FNDC3B: variants seen among roughly 807,000 people sequenced by gnomAD.
The protein encoded by FNDC3B is fibronectin type III domain-containing protein 3B.
FNDC3B carries 12 observed loss-of-function variants against 151.5 expected under a neutral mutation model. The observed-to-expected ratio is 0.08, with a 90% confidence interval of 0.05 to 0.13. FNDC3B has a LOEUF of 0.13. Among genes scored for constraint, FNDC3B ranks in the 10% least tolerant of loss-of-function variants. FNDC3B has a pLI of 1.00. For synonymous variants in FNDC3B, 528 were observed against 549.0 expected, an observed-to-expected ratio of 0.96 and a Z score of 0.54; for missense variants, 1,214 against 1,505.3, an observed-to-expected ratio of 0.81 and a Z score of 3.20.
chr3:172,108,837 C>A (rs1438915863), intron 1 of FNDC3B, among the ~76,000 whole-genome samples: 1 of 152,174 alleles, frequency 6.6e-6, no homozygotes, highest in Non-Finnish European at 1.5e-5. Context: ...TTCCTCCTTG[C>A]CTTTTCTCTA....
intron 1 of FNDC3B, among the ~76,000 whole-genome samples, chr3:172,107,192 G>A (rs1719697814): frequency 6.6e-6 from 1 of 152,184 alleles, no homozygotes; most frequent in African/African-American, 2.4e-5. Flanking sequence ...TGCGGTTTTA[G>A]TGTTATGTGT....
intron 5 of FNDC3B, among the ~76,000 whole-genome samples, chr3:172,249,810 A>G (rs569675556): frequency 2.8e-4 from 42 of 152,058 alleles, no homozygotes; most frequent in Admixed American, 6.5e-4. Context: ...TAACAAAACA[A>G]CTCTTGTTTA....
intron 16 of FNDC3B, among the ~76,000 whole-genome samples, chr3:172,339,032 C>T (rs369177162): frequency 2.6e-5 from 4 of 152,106 alleles, no homozygotes; most frequent in East Asian, 1.9e-4. Context: ...CCACCGCGCC[C>T]GGCCCACCAT....
chr3:172,221,109 A>G (rs1431135166), intron 3 of FNDC3B, among the ~76,000 whole-genome samples: 1 of 152,174 alleles, frequency 6.6e-6, no homozygotes, highest in Non-Finnish European at 1.5e-5. Context: ...GTGTAGAAAC[A>G]CAATTGGCTT....
At chr3:172,351,987 T>C (rs1027027324) in intron 21 of FNDC3B, among the ~76,000 whole-genome samples, 6 of 152,136 alleles carry the variant, frequency 3.9e-5, no homozygotes, top group Non-Finnish European at 7.4e-5. Flanking sequence ...CCCATCCAAA[T>C]TGGGGAGTAG....
intron 6 of FNDC3B, among the ~76,000 whole-genome samples, chr3:172,282,839 G>A (rs1173009030): frequency 6.6e-6 from 1 of 152,124 alleles, no homozygotes; most frequent in African/African-American, 2.4e-5. Flanking sequence ...TTAGACTTGT[G>A]GCCCTGGAGA....
chr3:172,323,566 C>G (rs1448406592), intron 11 of FNDC3B, among the ~76,000 whole-genome samples: 1 of 152,178 alleles, frequency 6.6e-6, no homozygotes, highest in Admixed American at 6.5e-5. Context: ...GTATTTCTCC[C>G]TTGTGGGGGG....
intron 1 of FNDC3B, among the ~76,000 whole-genome samples, chr3:172,062,311 CCTT>C (rs1416956263): frequency 3.3e-5 from 5 of 151,800 alleles, no homozygotes; most frequent in Admixed American, 6.6e-5. Context: ...CTTTTCTCCT[CCTT>C]CTTTTTTTTT....
chr3:172,127,207 G>C (rs1282636277), intron 2 of FNDC3B: 1 of 398,644 alleles, frequency 2.5e-6, no homozygotes, highest in Non-Finnish European at 5.0e-6. Flanking sequence ...AGAAGGCTCT[G>C]CTTCAGGGAG....
At chr3:172,131,446 A>C (rs1425632702) in intron 2 of FNDC3B, among the ~76,000 whole-genome samples, 1 of 152,118 alleles carries the variant, frequency 6.6e-6, no homozygotes, top group Non-Finnish European at 1.5e-5. Flanking sequence ...ATCTTGAAGG[A>C]ATTTCCTTTT....
chr3:172,358,568 A>G (rs1451393441), intron 22 of FNDC3B, among the ~76,000 whole-genome samples: 1 of 152,162 alleles, frequency 6.6e-6, no homozygotes, highest in Non-Finnish European at 1.5e-5. Context: ...TTGTAAAGTG[A>G]GGTGGTGTAA....
chr3:172,180,772 A>G (rs893019141), intron 3 of FNDC3B, among the ~76,000 whole-genome samples: 1 of 152,234 alleles, frequency 6.6e-6, no homozygotes, highest in African/African-American at 2.4e-5. Flanking sequence ...AAGAGCCCAT[A>G]GAATGGTTAT....
intron 22 of FNDC3B, among the ~76,000 whole-genome samples, chr3:172,358,421 G>A (rs1160002024): frequency 6.6e-6 from 1 of 152,250 alleles, no homozygotes; most frequent in East Asian, 1.9e-4. Context: ...GGTTGCCATT[G>A]TTGTTTTCTT....
At chr3:172,305,779 G>A (rs1359189212) in intron 9 of FNDC3B, among the ~76,000 whole-genome samples, 1 of 152,164 alleles carries the variant, frequency 6.6e-6, no homozygotes, top group African/African-American at 2.4e-5. Flanking sequence ...TCAGGCTTGA[G>A]CCCTGCCCAT....
At chr3:172,286,851 A>G (rs1576874629) in intron 7 of FNDC3B, among the ~76,000 whole-genome samples, 1 of 152,156 alleles carries the variant, frequency 6.6e-6, no homozygotes, top group Non-Finnish European at 1.5e-5. Context: ...CAGTTGGTGG[A>G]TGAGTTGGAG....
chr3:172,166,389 A>G (rs1452147457), intron 3 of FNDC3B, among the ~76,000 whole-genome samples: 6 of 152,210 alleles, frequency 3.9e-5, no homozygotes, highest in Non-Finnish European at 8.8e-5. Flanking sequence ...GAGACCATAT[A>G]AGGTGTGTAG....
At chr3:172,298,914 T>C in intron 9 of FNDC3B, 127 bp downstream of exon 9, 1 of 578,396 alleles carries the variant, frequency 1.7e-6, no homozygotes. Flanking sequence ...CCATGGCTTA[T>C]GGGCCATTCA....
At chr3:172,201,030 A>G (rs1725123376) in intron 3 of FNDC3B, among the ~76,000 whole-genome samples, 1 of 152,218 alleles carries the variant, frequency 6.6e-6, no homozygotes, top group African/African-American at 2.4e-5. Context: ...TTTGAATAAC[A>G]CTTGTTAATG....
chr3:172,050,700 C>CGTGTGTGTGTGTGTGT (rs71975191), intron 1 of FNDC3B, among the ~76,000 whole-genome samples: 37 of 145,076 alleles, frequency 2.6e-4, no homozygotes, highest in African/African-American at 9.6e-4. Context: ...GGTATATTTT[C>CGTGTGTGTGTGTGTGT]GTGTGTGTGT....
Sources: gnomAD v4.1 joint callset for allele counts (sites outside exome capture counted in the v4.1 genomes callset) on GRCh38, gnomAD v4.1.1 for gene constraint, MANE v1.5 for transcripts, NCBI Gene and HGNC (gene_info 2026-07-23, HGNC 2026-07-21) for gene names.